SLAIN2: variants seen among roughly 807,000 people sequenced by gnomAD.
The protein encoded by SLAIN2 is SLAIN family member 2, also known as SLAIN motif-containing protein 2.
A neutral mutation model predicts 56.6 loss-of-function variants in SLAIN2; 31 were observed. The observed-to-expected ratio is 0.55, with a 90% CI of 0.41 to 0.74. The LOEUF is 0.74. Among genes scored for constraint, SLAIN2 ranks in the 30% least tolerant of loss-of-function variants. The pLI is 0.00. For missense variants in SLAIN2, 777 were observed against 754.2 expected, an observed-to-expected ratio of 1.03 and a Z score of -0.35; for synonymous variants, 317 against 284.9, an observed-to-expected ratio of 1.11 and a Z score of -1.13.
intron 1 of SLAIN2, among the ~76,000 whole-genome samples, chr4:48,367,812 A>T (rs1715558010): frequency 6.6e-6 from 1 of 152,148 alleles, no homozygotes; most frequent in Non-Finnish European, 1.5e-5. Context: ...CATACCATAA[A>T]AGTCGTTATA....
chr4:48,384,732 GT>G (rs2109764548), intron 6 of SLAIN2, among the ~76,000 whole-genome samples: 1 of 152,228 alleles, frequency 6.6e-6, no homozygotes, highest in East Asian at 1.9e-4. Context: ...AGATACTTGA[GT>G]TTTTATTTTG....
chr4:48,409,223 A>G (rs1390070732), intron 6 of SLAIN2, among the ~76,000 whole-genome samples: 1 of 152,210 alleles, frequency 6.6e-6, no homozygotes, highest in Admixed American at 6.5e-5. Context: ...ATTTTAGAAT[A>G]TACAATTAAG....
chr4:48,367,897 C>G (rs1479624459), intron 1 of SLAIN2, among the ~76,000 whole-genome samples: 2 of 151,984 alleles, frequency 1.3e-5, no homozygotes, highest in African/African-American at 4.8e-5. Flanking sequence ...TTTAGAACAT[C>G]TATATCACCC....
At chr4:48,383,942 T>C (rs929616632) in intron 6 of SLAIN2, 158 bp downstream of exon 6, 2 of 701,812 alleles carry the variant, frequency 2.8e-6, no homozygotes, top group African/African-American at 3.6e-5. Context: ...TGGATGATAA[T>C]CAAAGTTATA....
intron 1 of SLAIN2, among the ~76,000 whole-genome samples, chr4:48,368,752 T>C (rs1463707350): frequency 6.6e-6 from 1 of 152,204 alleles, no homozygotes; most frequent in Admixed American, 6.5e-5. Context: ...CAAATGAATT[T>C]GGATTGTAGA....
At chr4:48,395,696 A>G (rs1716359107) in intron 6 of SLAIN2, among the ~76,000 whole-genome samples, 1 of 151,872 alleles carries the variant, frequency 6.6e-6, no homozygotes, top group African/African-American at 2.4e-5. Context: ...TTTTGGTGCC[A>G]TGGTCAGGTA....
intron 1 of SLAIN2, 45 bp from the exon 2 acceptor site, chr4:48,369,804 T>C: frequency 6.3e-7 from 1 of 1,583,410 alleles, no homozygotes. Flanking sequence ...TTATATAACC[T>C]TGTGCTTAAT....
At chr4:48,381,255 T>G (rs1715964099) in intron 4 of SLAIN2, among the ~76,000 whole-genome samples, 1 of 152,216 alleles carries the variant, frequency 6.6e-6, no homozygotes, top group African/African-American at 2.4e-5. Context: ...AGTCTTACTT[T>G]AATAATTTTT....
chr4:48,343,240 G>T (rs986852402), intron 1 of SLAIN2, among the ~76,000 whole-genome samples: 1 of 152,170 alleles, frequency 6.6e-6, no homozygotes, highest in African/African-American at 2.4e-5. Context: ...CCTTGAGCAA[G>T]TTACTCTGAG....
At chr4:48,390,566 GCAGA>G (rs1470956109) in intron 6 of SLAIN2, among the ~76,000 whole-genome samples, 3 of 152,106 alleles carry the variant, frequency 2.0e-5, no homozygotes, top group African/African-American at 7.2e-5. Flanking sequence ...GGAAAAAAAT[GCAGA>G]CAGTGAAAAT....
Position 48,420,249 on chromosome 4 carries a change from A to G in SLAIN2, c.1485A>G (p.Thr495=). ...GTAGCCAAGAAATAACACAGCTCAC[A>G]CAAACCACCTCCTCACCTGGGCCTC... ...SPGSQEITQL[T]QTTSSPGPPM... Residue 495 remains threonine, a synonymous_variant, in exon 7 of 8, where the codon ACA becomes ACG. Coordinates refer to ENST00000264313, the MANE Select transcript of SLAIN2 (RefSeq NM_020846.2). 6.2e-7 allele frequency: 1 copy of G among 1,613,954 alleles called. No homozygotes were observed. Among genetic ancestry groups the G allele is most frequent in the South Asian group, 1.1e-5 (1 of 91,088 alleles).
intron 6 of SLAIN2, among the ~76,000 whole-genome samples, chr4:48,384,897 A>G (rs1716062204): frequency 6.6e-6 from 1 of 152,162 alleles, no homozygotes; most frequent in Admixed American, 6.5e-5. Context: ...CTGAAAACCC[A>G]AGCAACTTTC....
chr4:48,390,647 T>C (rs1277719790), intron 6 of SLAIN2, among the ~76,000 whole-genome samples: 1 of 152,196 alleles, frequency 6.6e-6, no homozygotes, highest in African/African-American at 2.4e-5. Flanking sequence ...AACATTATAA[T>C]ACAAAAATAG....
intron 6 of SLAIN2, among the ~76,000 whole-genome samples, chr4:48,394,876 T>C (rs1366987282): frequency 1.3e-5 from 2 of 152,180 alleles, no homozygotes; most frequent in African/African-American, 4.8e-5. Context: ...GTAAATGATA[T>C]ATAGAGAATA....
chr4:48,390,041 G>T (rs1214780084), intron 6 of SLAIN2, among the ~76,000 whole-genome samples: 1 of 151,780 alleles, frequency 6.6e-6, no homozygotes, highest in Non-Finnish European at 1.5e-5. Flanking sequence ...AGGGAGTGAG[G>T]GTGATGAGAT....
At position 48,354,395 on chromosome 4, in the gene SLAIN2, C is replaced by T. The variant is rs559376421; in HGVS notation, c.389+12267C>T. ...AGGGATTAGAGTGGTTAAACTTAGCCTCTTAGAGAAATTGGGCTATAATTT... is the reference window on the plus strand; with the variant it reads ...AGGGATTAGAGTGGTTAAACTTAGCTTCTTAGAGAAATTGGGCTATAATTT... On this transcript the variant is annotated intron_variant, in intron 1 of 7. Transcript: ENST00000264313. Among the ~76,000 whole-genome samples the T allele has an allele frequency of 4.6e-5, 7 of 152,090 alleles. 1 individual carries two copies. The South Asian group carries it at 1.5e-3, about 32-fold the overall frequency.
At position 48,425,019 on chromosome 4, in the gene SLAIN2, A is replaced by G. The variant is rs567998579; in HGVS notation, c.*2942A>G. The stretch of plus-strand genomic sequence containing the variant: ...GACCATAATGTTTATTATTAAATTT[A>G]TATTCTTTAAGTGTTTAATTAATCT... On this transcript the variant is annotated 3_prime_UTR_variant, in exon 8 of 8. Transcript: ENST00000264313. 2 of 152,140 alleles carry G rather than the reference A, an allele frequency of 1.3e-5. No homozygotes were observed. Among genetic ancestry groups the G allele is most frequent in the Admixed American group, 1.3e-4 (2 of 15,282 alleles). 9.4% of individuals were successfully genotyped at this position (152,140 alleles called of 1,614,324 possible).
intron 7 of SLAIN2, 27 bp downstream of exon 7, chr4:48,420,470 A>AT: frequency 6.2e-7 from 1 of 1,609,366 alleles, no homozygotes. Context: ...CTGTTTCAGC[A>AT]TTCTTGAGTG....
intron 1 of SLAIN2, among the ~76,000 whole-genome samples, chr4:48,361,295 C>A (rs1478674308): frequency 6.6e-6 from 1 of 152,190 alleles, no homozygotes; most frequent in Non-Finnish European, 1.5e-5. Flanking sequence ...AGGGGAACAA[C>A]ATGCACAAAT....
Sources: gnomAD v4.1 joint callset for allele counts (sites outside exome capture counted in the v4.1 genomes callset) on GRCh38, gnomAD v4.1.1 for gene constraint, MANE v1.5 for transcripts, NCBI Gene and HGNC (gene_info 2026-07-23, HGNC 2026-07-21) for gene names.